Variants in BCLAF1 observed in about 807,000 individuals in gnomAD.
BCLAF1 encodes the protein bcl-2-associated transcription factor 1.
In BCLAF1, 10 loss-of-function variants were observed where a neutral mutation model predicts 99.5. The observed-to-expected ratio is 0.10, with a 90% CI of 0.06 to 0.17. BCLAF1 has a LOEUF of 0.17. BCLAF1 is among the 10% of genes least tolerant of loss of function. The pLI, the probability that BCLAF1 is intolerant of heterozygous loss-of-function variation, is 1.00. For missense variants in BCLAF1, 636 were observed against 1,105.8 expected, an observed-to-expected ratio of 0.58 and a Z score of 6.02; for synonymous variants, 255 against 370.9, an observed-to-expected ratio of 0.69 and a Z score of 3.59.
chr6:136,273,372 A>T (rs546587507), intron 6 of BCLAF1, 185 bp from the exon 7 acceptor site: 4 of 543,970 alleles, frequency 7.4e-6, no homozygotes, highest in Non-Finnish European at 1.3e-5. Flanking sequence ...GAGTGTTTCG[A>T]AAGTTGCTCA....
At chr6:136,284,933 C>A (rs143371210) in intron 1 of BCLAF1, among the ~76,000 whole-genome samples, 1 of 152,010 alleles carries the variant, frequency 6.6e-6, no homozygotes, top group Non-Finnish European at 1.5e-5. Context: ...ACATTTGGGC[C>A]TAAAGACAGG....
chr6:136,281,432 A>G (rs111631792), intron 2 of BCLAF1, among the ~76,000 whole-genome samples: 65 of 152,338 alleles, frequency 4.3e-4, no homozygotes, highest in African/African-American at 1.5e-3. Flanking sequence ...AATCTTGGCC[A>G]CGGGGAACTG....
At chr6:136,262,268 CTGTA>C (rs1781110956) in intron 11 of BCLAF1, among the ~76,000 whole-genome samples, 1 of 152,006 alleles carries the variant, frequency 6.6e-6, no homozygotes. Flanking sequence ...CAAGGGAGTC[CTGTA>C]TGTAATTTAA....
In BCLAF1 at chr6:136,260,536, CT is replaced by C. The variant is rs542971362; in HGVS notation, c.*573del. 106 of 146,276 alleles carry C rather than the reference CT, an allele frequency of 7.2e-4. No individual in the cohort carries two copies. The highest frequency in any genetic ancestry group is 1.2e-3 in the Admixed American group (17 of 14,584). 9.1% of individuals were successfully genotyped at this position (146,276 alleles called of 1,614,324 possible). ...TTGTACTTTTTAGCTATTGGCAAAGCTTTTTTTTTTTAATTCCTTCTTAAGC... is the reference window on the plus strand; with the variant it reads ...TTGTACTTTTTAGCTATTGGCAAAGCTTTTTTTTTTAATTCCTTCTTAAGC... On this transcript the variant is annotated 3_prime_UTR_variant, in exon 13 of 13. Transcript: ENST00000531224.
chr6:136,271,024 T>C (rs986221708), intron 8 of BCLAF1, among the ~76,000 whole-genome samples: 4 of 151,760 alleles, frequency 2.6e-5, no homozygotes, highest in Non-Finnish European at 5.9e-5. Flanking sequence ...AGCTCTAGAT[T>C]CCACATCTAG....
chr6:136,269,731 T>C (rs1782248724), intron 8 of BCLAF1, 119 bp from the exon 9 acceptor site: 1 of 688,534 alleles, frequency 1.5e-6, no homozygotes, highest in East Asian at 3.0e-5. Flanking sequence ...TATCAGAAAA[T>C]AATGAATCAT....
chr6:136,289,401 T>G (rs1292524419), intron 1 of BCLAF1, among the ~76,000 whole-genome samples: 1 of 150,458 alleles, frequency 6.6e-6, no homozygotes, highest in Non-Finnish European at 1.5e-5. Flanking sequence ...GCTGAAGAAA[T>G]GGGGGAAGGG....
intron 1 of BCLAF1, among the ~76,000 whole-genome samples, chr6:136,283,576 AGCACCAG>A (rs1477980903): frequency 1.3e-5 from 2 of 152,246 alleles, no homozygotes; most frequent in Non-Finnish European, 2.9e-5. Context: ...GATAGTCAAA[AGCACCAG>A]GCGAACAGAA....
At chr6:136,284,464 G>A (rs1436666089) in intron 1 of BCLAF1, among the ~76,000 whole-genome samples, 1 of 152,094 alleles carries the variant, frequency 6.6e-6, no homozygotes, top group Non-Finnish European at 1.5e-5. Context: ...ATGTATCTAT[G>A]TAAGTGGTCC....
At chr6:136,280,237 G>T (rs1177686595) in intron 2 of BCLAF1, among the ~76,000 whole-genome samples, 1 of 152,104 alleles carries the variant, frequency 6.6e-6, no homozygotes, top group Non-Finnish European at 1.5e-5. Flanking sequence ...CTGTAAGAAA[G>T]ATAAATAATA....
At position 136,276,375 on chromosome 6, in the gene BCLAF1, A is replaced by G. The variant is rs143554961; in HGVS notation, c.1150T>C (p.Phe384Leu). The part of the protein sequence containing the change: ...EWEDQEALDY[F>L]SDKESGKQKF... ...TGTTTTCCAGACTCTTTATCACTGA[A>G]GTAATCTAGAGCTTCCTGATCTTCC... Residue 384 changes from phenylalanine to leucine, a missense_variant, in exon 5 of 13, where the codon TTC (phenylalanine) becomes CTC (leucine). By Grantham distance (22) the Phe-to-Leu change is conservative. This residue lies in a region of BCLAF1 where 186 missense variants were observed against 275.3 expected (regional missense o/e 0.68). Coordinates refer to ENST00000531224, the MANE Select transcript of BCLAF1 (RefSeq NM_014739.3). 5 of 1,583,314 alleles carry G rather than the reference A, an allele frequency of 3.2e-6. No homozygotes were observed. Among genetic ancestry groups the G allele is most frequent in the African/African-American group, 1.4e-5 (1 of 73,476 alleles).
rs751330768 is a variant in BCLAF1, at chr6:136,277,902, C to G, written c.979G>C (p.Asp327His). Residue 327 changes from aspartate (D) to histidine (H), a missense_variant, in exon 4 of 13, where the codon GAT (aspartate) becomes CAT (histidine). Physicochemically the swap from Asp to His is moderately conservative, Grantham distance 81 (BLOSUM62 -1). Coordinates refer to ENST00000531224, the MANE Select transcript of BCLAF1 (RefSeq NM_014739.3). ...GRSSFYPDGG[D>H]QETAKTGKFL... ...TTCCCAGTCTTTGCAGTTTCCTGAT[C>G]TCCACCATCAGGATAAAACGAGGAA... is the stretch of plus-strand genomic sequence containing the variant. 6.2e-7 allele frequency: 1 copy of G among 1,600,808 alleles called. No homozygotes were observed. Among genetic ancestry groups the G allele is most frequent in the Non-Finnish European group, 8.5e-7 (1 of 1,174,618 alleles).
At position 136,269,654 on chromosome 6, in the gene BCLAF1, T is replaced by C. The variant is rs76334377; in HGVS notation, c.2044-42A>G. 8.9e-4 allele frequency: 1,297 copies of C among 1,458,558 alleles called. 1 individual carries two copies. Among genetic ancestry groups the C allele is most frequent in the Non-Finnish European group, 1.1e-3 (1,183 of 1,091,774 alleles). 90.4% of individuals were successfully genotyped at this position (1,458,558 alleles called of 1,614,324 possible). A position where few individuals can be genotyped will look rare whatever the true frequency, so the allele number is the denominator to read the frequency against. On this transcript the variant is annotated intron_variant, in intron 8 of 12. Transcript: ENST00000531224. ...TAAAATACAGATTTCAGGGGAGAAA[T>C]AGAAAAAATATATATACACATATTA... is the stretch of plus-strand genomic sequence containing the variant.
chr6:136,261,495 AC>A lies in BCLAF1; in HGVS notation c.2545-19del. 6.2e-7 allele frequency: 1 copy of A among 1,602,122 alleles called. No individual in the cohort carries two copies. Among genetic ancestry groups the A allele is most frequent in the Non-Finnish European group, 8.5e-7 (1 of 1,172,990 alleles). On this transcript the variant is annotated intron_variant, in intron 11 of 12. Transcript: ENST00000531224. ...TCGTCATGCTACAGAAAGGTTAAAA[AC>A]AATTGTCAATGAAATGTTTCTTGTA...
chr6:136,261,854 C>T (rs1232825701), intron 11 of BCLAF1, among the ~76,000 whole-genome samples: 6 of 151,960 alleles, frequency 3.9e-5, no homozygotes, highest in Non-Finnish European at 8.8e-5. Flanking sequence ...CCAAAATTAC[C>T]TTAGTCATAA....
chr6:136,271,669 T>C (rs947032321), intron 8 of BCLAF1, among the ~76,000 whole-genome samples: 2 of 151,962 alleles, frequency 1.3e-5, no homozygotes, highest in South Asian at 4.1e-4. Flanking sequence ...CTCTGGCTAA[T>C]GAATCTCATC....
rs554142199 is a variant in BCLAF1, at chr6:136,288,908, C to T, written c.-115+805G>A. On this transcript the variant is annotated intron_variant, in intron 1 of 12. Coordinates refer to ENST00000531224, the MANE Select transcript of BCLAF1 (RefSeq NM_014739.3). ...GGCTTCGCTAGTACTCATGAAGAAC[C>T]GCACTTTCAGCCGGATGGGGCAGGG... Among the ~76,000 whole-genome samples the T allele has an allele frequency of 2.3e-3, 349 of 152,280 alleles. 1 individual carries two copies. The highest frequency in any genetic ancestry group is 8.0e-3 in the African/African-American group (331 of 41,562).
At chr6:136,277,414 T>C (rs1783584328) in intron 4 of BCLAF1, among the ~76,000 whole-genome samples, 1 of 152,232 alleles carries the variant, frequency 6.6e-6, no homozygotes, top group East Asian at 1.9e-4. Flanking sequence ...TTTACAGTTA[T>C]TAGCAACATA....
At chr6:136,270,708 T>C (rs1782391913) in intron 8 of BCLAF1, among the ~76,000 whole-genome samples, 1 of 151,834 alleles carries the variant, frequency 6.6e-6, no homozygotes, top group East Asian at 1.9e-4. Context: ...TAACATGTTA[T>C]TCATCCAGAC....
Sources: gnomAD v4.1 joint callset for allele counts (sites outside exome capture counted in the v4.1 genomes callset) on GRCh38, gnomAD v4.1.1 for gene constraint, gnomAD v4.1.1 regional missense constraint, MANE v1.5 for transcripts, NCBI Gene and HGNC (gene_info 2026-07-23, HGNC 2026-07-21) for gene names.